Variants in SLC25A16 observed in about 807,000 individuals in gnomAD.
SLC25A16 encodes the protein mitochondrial coenzyme A transporter SLC25A16.
A neutral mutation model predicts 41.5 loss-of-function variants in SLC25A16; 39 were observed. That is an observed-to-expected ratio of 0.94 (90% confidence interval 0.73 to 1.23). SLC25A16 has a LOEUF of 1.23. Among genes scored for constraint, SLC25A16 ranks in the 50% most tolerant of loss-of-function variants. The probability of loss-of-function intolerance (pLI) is 0.00; values close to 1 mark genes in which losing one functional copy is unlikely to be tolerated. For missense variants in SLC25A16, 421 were observed against 426.9 expected (o/e 0.99, Z 0.12); for synonymous variants, 146 against 147.8 (o/e 0.99, Z 0.09).
chr10:68,512,017 T>C (rs10823218), intron 2 of SLC25A16, among the ~76,000 whole-genome samples: 112,952 of 152,030 alleles, frequency 0.74, 42,887 homozygotes, highest in East Asian at 0.85. Context: ...CCACCAAGCC[T>C]GGATAATTTT....
In SLC25A16 at chr10:68,491,915, G is replaced by A. The variant is rs539084045; in HGVS notation, c.610+1217C>T. Among the ~76,000 whole-genome samples, 25 of 152,064 alleles carry A rather than the reference G, an allele frequency of 1.6e-4. No individual in the cohort carries two copies. In the South Asian group the frequency reaches 2.1e-3, roughly 13 times the overall value. On this transcript the variant is annotated intron_variant, in intron 6 of 8. Transcript: ENST00000609923. ...GTGATCTCGGCTCACCACAACCTCC[G>A]CCTCCCGGGTTCAAATGATTCTCCT...
intron 3 of SLC25A16, among the ~76,000 whole-genome samples, chr10:68,505,031 C>G (rs1046505387): frequency 2.6e-5 from 4 of 152,110 alleles, no homozygotes; most frequent in African/African-American, 9.7e-5. Context: ...TGTTCCTCTC[C>G]TACAATTGAG....
chr10:68,526,045 G>A (rs1308591539), intron 1 of SLC25A16, among the ~76,000 whole-genome samples: 2 of 151,922 alleles, frequency 1.3e-5, no homozygotes, highest in Non-Finnish European at 2.9e-5. Context: ...ATACGGCCTC[G>A]TGGGAAGGGA....
chr10:68,511,357 G>C (rs530135065), intron 2 of SLC25A16, among the ~76,000 whole-genome samples: 104 of 152,168 alleles, frequency 6.8e-4, no homozygotes, highest in Non-Finnish European at 1.3e-3. Context: ...GTTCACTGTT[G>C]CACTCCAGGA....
chr10:68,523,308 G>T (rs2053277721), intron 1 of SLC25A16, among the ~76,000 whole-genome samples: 1 of 152,042 alleles, frequency 6.6e-6, no homozygotes, highest in Non-Finnish European at 1.5e-5. Context: ...GCCCAGGCTG[G>T]TCTCCAACTC....
At chr10:68,510,623 C>T (rs2053046057) in intron 2 of SLC25A16, among the ~76,000 whole-genome samples, 1 of 151,808 alleles carries the variant, frequency 6.6e-6, no homozygotes, top group African/African-American at 2.4e-5. Flanking sequence ...GGCGGATCAC[C>T]AGGTCAGGAG....
At position 68,492,239 on chromosome 10, in the gene SLC25A16, A is replaced by G. The variant is rs371055440; in HGVS notation, c.610+893T>C. 6.5e-4 allele frequency among the ~76,000 whole-genome samples: 99 copies of G among 152,308 alleles called. No individual in the cohort carries two copies. In the Middle Eastern group the frequency reaches 0.01, roughly 16 times the overall value. On this transcript the variant is annotated intron_variant, in intron 6 of 8. Transcript: ENST00000609923. ...CAAGGATAGTAACTTTGAACTGAGC[A>G]ACCTGATTGTTCATTGTTTCTGCTT...
chr10:68,493,658 G>T, intron 4 of SLC25A16, 88 bp from the exon 5 acceptor site: 1 of 1,052,972 alleles, frequency 9.5e-7, no homozygotes, highest in Non-Finnish European at 1.4e-6. Flanking sequence ...TCAATATTAT[G>T]GCAATGGTGA....
At chr10:68,498,160 C>T (rs2052781602) in intron 4 of SLC25A16, among the ~76,000 whole-genome samples, 1 of 152,122 alleles carries the variant, frequency 6.6e-6, no homozygotes, top group Non-Finnish European at 1.5e-5. Flanking sequence ...CAAATCAGGA[C>T]TCAAATTCTA....
chr10:68,492,811 T>G (rs1235173097), intron 6 of SLC25A16, among the ~76,000 whole-genome samples: 2 of 152,208 alleles, frequency 1.3e-5, no homozygotes, highest in Non-Finnish European at 2.9e-5. Flanking sequence ...TTATTTATAA[T>G]GAGACAAAAA....
In SLC25A16 at chr10:68,521,176, A is replaced by C. The variant is rs12219699; in HGVS notation, c.131-4333T>G. 2.0e-5 allele frequency among the ~76,000 whole-genome samples: 3 copies of C among 152,016 alleles called. No homozygotes were observed. In the South Asian group the frequency reaches 6.2e-4, roughly 32 times the overall value. On this transcript the variant is annotated intron_variant, in intron 1 of 8. Coordinates refer to ENST00000609923, the MANE Select transcript of SLC25A16 (RefSeq NM_152707.4). The stretch of plus-strand genomic sequence containing the variant: ...ACAGACACACACATACTCACATTTA[A>C]TATCAAGTGCCAACAAGGCAGTGGG...
intron 2 of SLC25A16, among the ~76,000 whole-genome samples, chr10:68,511,464 T>C (rs1271747875): frequency 6.6e-6 from 1 of 152,082 alleles, no homozygotes; most frequent in African/African-American, 2.4e-5. Flanking sequence ...AAATCTAATA[T>C]GAATGTGTAA....
At chr10:68,511,431 G>A (rs535199031) in intron 2 of SLC25A16, among the ~76,000 whole-genome samples, 6 of 152,146 alleles carry the variant, frequency 3.9e-5, no homozygotes, top group African/African-American at 9.6e-5. Flanking sequence ...TGTAACCCAC[G>A]GCATGCAGCC....
At position 68,483,356 on chromosome 10, in the gene SLC25A16, G is replaced by T; in HGVS notation, c.*76C>A. 1.1e-6 allele frequency: 1 copy of T among 945,490 alleles called. No homozygotes were observed. Among genetic ancestry groups the T allele is most frequent in the Non-Finnish European group, 1.6e-6 (1 of 637,596 alleles). The allele number at this position is 945,490 out of a possible 1,614,324, so 58.6% of individuals were successfully genotyped here. ...GGGTAAATATCCCCATTCAAGTAAT[G>T]TTCCCCCCACAATTATAGTAATGTT... On this transcript the variant is annotated 3_prime_UTR_variant, in exon 9 of 9. Coordinates refer to ENST00000609923, the MANE Select transcript of SLC25A16 (RefSeq NM_152707.4).
In SLC25A16 at chr10:68,522,814, C is replaced by CAAAA. The variant is rs58143466; in HGVS notation, c.130+4428_130+4431dup. Among the ~76,000 whole-genome samples the CAAAA allele has an allele frequency of 9.2e-5, 6 of 65,456 alleles. No individual in the cohort carries two copies. In the South Asian group the frequency reaches 2.2e-3, roughly 23 times the overall value. 42.9% of individuals were successfully genotyped at this position (65,456 alleles called of 152,430 possible). A position where few individuals can be genotyped will look rare whatever the true frequency, so the allele number is the denominator to read the frequency against. ...TAGGCAACAGAGTGAGATTCCTTCT[C>CAAAA]AAAAAAAAAAAAAAAAAAAAAAAAT... On this transcript the variant is annotated intron_variant, in intron 1 of 8. Transcript: ENST00000609923.
At chr10:68,504,553 A>G (rs767832698) in intron 3 of SLC25A16, among the ~76,000 whole-genome samples, 17 of 150,580 alleles carry the variant, frequency 1.1e-4, no homozygotes, top group Non-Finnish European at 1.9e-4. Flanking sequence ...CTCCTGCCTC[A>G]GCCTCCTGAG....
intron 1 of SLC25A16, among the ~76,000 whole-genome samples, chr10:68,524,344 C>A: frequency 2.4e-5 from 3 of 126,868 alleles, no homozygotes; most frequent in African/African-American, 9.7e-5. Flanking sequence ...GAGATCGAGA[C>A]CATCCTGGCC....
At chr10:68,489,125 C>T (rs1365902205) in intron 6 of SLC25A16, among the ~76,000 whole-genome samples, 3 of 152,030 alleles carry the variant, frequency 2.0e-5, no homozygotes, top group South Asian at 2.1e-4. Context: ...CAAAATTAGT[C>T]GGGTGTGGTG....
chr10:68,483,819 T>G (rs1464920537), intron 8 of SLC25A16, among the ~76,000 whole-genome samples: 1 of 152,054 alleles, frequency 6.6e-6, no homozygotes, highest in Non-Finnish European at 1.5e-5. Flanking sequence ...CGCGCCACCA[T>G]GCCCAGCTAA....
Sources: allele counts gnomAD v4.1 joint callset (sites outside exome capture counted in the v4.1 genomes callset), GRCh38; gene constraint gnomAD v4.1.1; transcripts MANE v1.5; gene names NCBI Gene and HGNC (gene_info 2026-07-23, HGNC 2026-07-21).